Variants in TLL1 observed in about 807,000 individuals in gnomAD.
TLL1 encodes tolloid-like protein 1.
A neutral mutation model predicts 128.2 loss-of-function variants in TLL1; 49 were observed. The observed-to-expected ratio is 0.38, with a 90% confidence interval of 0.30 to 0.48. The LOEUF (loss-of-function observed/expected upper bound fraction) is 0.48. Among genes scored for constraint, TLL1 ranks in the 20% least tolerant of loss-of-function variants. The pLI is 0.96. For synonymous variants in TLL1, 454 were observed against 418.8 expected (o/e 1.08, Z -1.03); for missense variants, 1,123 against 1,242.0 (o/e 0.90, Z 1.44).
chr4:166,028,537 T>C (rs966542090), intron 9 of TLL1, among the ~76,000 whole-genome samples: 3 of 152,016 alleles, frequency 2.0e-5, no homozygotes, highest in Non-Finnish European at 4.4e-5. Context: ...GCTCATAGAT[T>C]CTCTATATTA....
intron 5 of TLL1, among the ~76,000 whole-genome samples, chr4:166,000,167 A>G (rs1291729700): frequency 6.6e-6 from 1 of 152,240 alleles, no homozygotes; most frequent in Non-Finnish European, 1.5e-5. Flanking sequence ...ACAAAAATCC[A>G]ACAGCCGTAT....
chr4:165,985,956 T>C lies in TLL1; in HGVS notation c.170-3425T>C, dbSNP rs921607419. 2.6e-5 allele frequency among the ~76,000 whole-genome samples: 4 copies of C among 151,922 alleles called. 1 individual carries two copies. In the South Asian group the frequency reaches 8.3e-4, roughly 31 times the overall value. On this transcript the variant is annotated intron_variant, in intron 1 of 20. Transcript: ENST00000061240. ...GAATCCAAGCAGAATTCCAAACAGATAGTAAATATTCTAATTGCACTTGAG... is the reference window on the plus strand; with the variant it reads ...GAATCCAAGCAGAATTCCAAACAGACAGTAAATATTCTAATTGCACTTGAG...
At position 166,035,992 on chromosome 4, in the gene TLL1, A is replaced by G. The variant is rs190134566; in HGVS notation, c.1159-3347A>G. ...AGACTTGTGCAGGCTTCTTCTGGCT[A>G]TAGCATAGCAATCTAGTTTATCTTG... On this transcript the variant is annotated intron_variant, in intron 9 of 20. Transcript: ENST00000061240. 9.8e-5 allele frequency among the ~76,000 whole-genome samples: 15 copies of G among 152,322 alleles called. No homozygotes were observed. In the East Asian group the frequency reaches 2.7e-3, roughly 27 times the overall value.
chr4:166,039,231 G>A, intron 9 of TLL1, 108 bp from the exon 10 acceptor site: 1 of 742,288 alleles, frequency 1.3e-6, no homozygotes, highest in Non-Finnish European at 2.4e-6. Context: ...ACAATTAGCT[G>A]CACATGCATT....
At position 165,913,086 on chromosome 4, in the gene TLL1, C is replaced by T. The variant is rs528505119; in HGVS notation, c.169+39013C>T. 2.0e-5 allele frequency among the ~76,000 whole-genome samples: 3 copies of T among 152,198 alleles called. No individual in the cohort carries two copies. The South Asian group carries it at 6.2e-4, about 32-fold the overall frequency. Reference sequence around the variant, plus strand: ...TGAAATAAGAGATTTCGGCCAATTTCCCAATGGATACTTTTCTTATTTAAA... The same window carrying T: ...TGAAATAAGAGATTTCGGCCAATTTTCCAATGGATACTTTTCTTATTTAAA... On this transcript the variant is annotated intron_variant, in intron 1 of 20. Coordinates refer to ENST00000061240, the MANE Select transcript of TLL1 (RefSeq NM_012464.5).
chr4:166,021,689 G>A (rs1194217584), intron 8 of TLL1, among the ~76,000 whole-genome samples: 4 of 151,952 alleles, frequency 2.6e-5, no homozygotes, highest in Admixed American at 1.3e-4. Context: ...CCTCGGCCTC[G>A]CAAACTGCTG....
intron 1 of TLL1, among the ~76,000 whole-genome samples, chr4:165,915,455 C>G (rs1047028590): frequency 1.3e-4 from 20 of 152,220 alleles, no homozygotes; most frequent in African/African-American, 4.1e-4. Context: ...GCTTTCTTTT[C>G]TAGGTACTTA....
At chr4:166,030,307 C>G in intron 9 of TLL1, 1 of 396,578 alleles carries the variant, frequency 2.5e-6, no homozygotes, top group Non-Finnish European at 4.5e-6. Context: ...GTATATCGTC[C>G]TTGTAGAAAT....
chr4:165,943,366 A>G (rs1734106383), intron 1 of TLL1, among the ~76,000 whole-genome samples: 1 of 152,086 alleles, frequency 6.6e-6, no homozygotes, highest in Admixed American at 6.6e-5. Flanking sequence ...TTATGCTCTT[A>G]TAAACCTTCT....
chr4:165,987,285 G>A (rs1736432242), intron 1 of TLL1, among the ~76,000 whole-genome samples: 1 of 152,066 alleles, frequency 6.6e-6, no homozygotes, highest in African/African-American at 2.4e-5. Flanking sequence ...TTACCTTACA[G>A]TCTTAAAAAG....
chr4:166,098,891 A>G (rs1259105386), intron 19 of TLL1, among the ~76,000 whole-genome samples: 2 of 152,146 alleles, frequency 1.3e-5, no homozygotes, highest in East Asian at 1.9e-4. Flanking sequence ...TATTAGGTAG[A>G]ACAATTTTAA....
At chr4:166,066,225 A>G (rs1057466674) in intron 16 of TLL1, among the ~76,000 whole-genome samples, 1 of 151,476 alleles carries the variant, frequency 6.6e-6, no homozygotes, top group East Asian at 1.9e-4. Context: ...AATTGTGCTT[A>G]GCCTCATCAT....
chr4:165,970,905 T>C, intron 1 of TLL1, among the ~76,000 whole-genome samples: 1 of 152,176 alleles, frequency 6.6e-6, no homozygotes, highest in Non-Finnish European at 1.5e-5. Context: ...GTGATCTACC[T>C]AATGGTTATT....
chr4:166,064,491 C>T (rs748310080), intron 15 of TLL1, among the ~76,000 whole-genome samples: 2 of 152,192 alleles, frequency 1.3e-5, no homozygotes, highest in South Asian at 4.1e-4. Flanking sequence ...TGTTTACAAA[C>T]TGTGTTAACA....
chr4:166,034,995 C>A (rs1738933015), intron 9 of TLL1, among the ~76,000 whole-genome samples: 1 of 152,154 alleles, frequency 6.6e-6, no homozygotes, highest in African/African-American at 2.4e-5. Flanking sequence ...TTTATCAGGG[C>A]ACTAATCTCA....
chr4:166,035,471 G>A (rs1291851349), intron 9 of TLL1, among the ~76,000 whole-genome samples: 2 of 152,068 alleles, frequency 1.3e-5, no homozygotes, highest in African/African-American at 4.8e-5. Context: ...GTTAATTCTG[G>A]TGAGATAAGC....
intron 12 of TLL1, among the ~76,000 whole-genome samples, chr4:166,051,563 A>G (rs1739739800): frequency 2.0e-5 from 3 of 152,116 alleles, no homozygotes; most frequent in Admixed American, 2.0e-4. Context: ...AAAGTAACTC[A>G]AATATTCATT....
At chr4:166,063,302 C>T (rs940821267) in intron 15 of TLL1, among the ~76,000 whole-genome samples, 2 of 152,156 alleles carry the variant, frequency 1.3e-5, no homozygotes, top group African/African-American at 4.8e-5. Flanking sequence ...TACCATCTCA[C>T]ACCAGTTAGA....
rs186810409 is a variant in TLL1, at chr4:165,982,885, C to T, written c.170-6496C>T. 8.1e-4 allele frequency among the ~76,000 whole-genome samples: 123 copies of T among 151,772 alleles called. 2 individuals are homozygous for T. In the South Asian group the frequency reaches 0.02, roughly 25 times the overall value. ...GGTTGACTCCCACCCTGGCCACAAA[C>T]GTAAACAATTACAGGCATAAGGGAA... is the stretch of plus-strand genomic sequence containing the variant. On this transcript the variant is annotated intron_variant, in intron 1 of 20. Coordinates refer to ENST00000061240, the MANE Select transcript of TLL1 (RefSeq NM_012464.5).
Sources: allele counts gnomAD v4.1 joint callset (sites outside exome capture counted in the v4.1 genomes callset), GRCh38; gene constraint gnomAD v4.1.1; transcripts MANE v1.5; gene names NCBI Gene and HGNC (gene_info 2026-07-23, HGNC 2026-07-21).